The following KLF18 variants were observed in gnomAD, a reference collection of about 807,000 sequenced individuals.
KLF18 encodes the protein Kruppel-like factor 18.
Position 44,140,114 on chromosome 1 carries a change from G to C in KLF18, c.1518C>G (p.Thr506=), listed in dbSNP as rs1643221687. The part of the protein sequence containing the change: ...NQTLYWGQMM[T]STGNQNLCGE... ...CACAGAGGTTCTGGTTACCAGTGGAGGTCATCATCTGCCCCCAGTAGAGGG... is the reference window on the plus strand; with the variant it reads ...CACAGAGGTTCTGGTTACCAGTGGACGTCATCATCTGCCCCCAGTAGAGGG... Residue 506 remains threonine, a synonymous_variant, in exon 1 of 2, where the codon ACC becomes ACG. Transcript: ENST00000634670. 2.6e-6 allele frequency: 1 copy of C among 390,748 alleles called. No individual in the cohort carries two copies. Among genetic ancestry groups the C allele is most frequent in the Non-Finnish European group, 4.5e-6 (1 of 224,224 alleles). 24.2% of individuals were successfully genotyped at this position (390,748 alleles called of 1,614,324 possible).
chr1:44,140,725 G>A lies in KLF18; in HGVS notation c.907C>T (p.Leu303Phe). 2.5e-6 allele frequency: 1 copy of A among 398,642 alleles called. No individual in the cohort carries two copies. Among genetic ancestry groups the A allele is most frequent in the Non-Finnish European group, 4.4e-6 (1 of 226,156 alleles). The allele number at this position is 398,642 out of a possible 1,614,324, so 24.7% of individuals were successfully genotyped here. The change falls in exon 1 of 2, where the codon CTC (leucine) becomes TTC (phenylalanine). Residue 303 changes from leucine (L) to phenylalanine (F), a missense_variant. Coordinates refer to ENST00000634670, the MANE Select transcript of KLF18 (RefSeq NM_001358438.1). The stretch of plus-strand genomic sequence containing the variant: ...GAGGTCATCACTTGCTCCCCACAGA[G>A]GGTCTGGTTACTAGTGGAGGTTGTC... ...QMTTSTSNQT[L>F]CGEQVMTSTG...
intron 1 of KLF18, 68 bp downstream of exon 1, chr1:44,138,596 C>G: frequency 2.6e-6 from 1 of 391,656 alleles, no homozygotes. Context: ...TGGCAGCAAT[C>G]TCAAATGCTT....
chr1:44,138,056 G>A (rs1643178879), intron 1 of KLF18, 45 bp from the exon 2 acceptor site: 1 of 398,484 alleles, frequency 2.5e-6, no homozygotes, highest in Non-Finnish European at 4.4e-6. Flanking sequence ...ATCAGGGTGA[G>A]GTAGGGCAGG....
chr1:44,139,459 C>T lies in KLF18; in HGVS notation c.2173G>A (p.Gly725Arg), dbSNP rs1299790712. The T allele has an allele frequency of 2.9e-6, 1 of 345,856 alleles. No homozygotes were observed. The highest frequency in any genetic ancestry group is 5.1e-6 in the Non-Finnish European group (1 of 195,380). The allele number at this position is 345,856 out of a possible 1,614,324, so 21.4% of individuals were successfully genotyped here. The change falls in exon 1 of 2, where the codon GGG becomes AGG. Residue 725 changes from glycine (G) to arginine (R), a missense_variant. Physicochemically the swap from Gly to Arg is moderately radical, Grantham distance 125 (BLOSUM62 -2). Transcript: ENST00000634670. ...CCAGTGGAGGTCATCATCTGCCCCC[C>T]ATAGAGGGCCTGGTTACCAGTGGAG... ...TTSTGNQALY[G>R]GQMMTSTGNQ...
intron 1 of KLF18, 23 bp from the exon 2 acceptor site, chr1:44,138,034 G>T: frequency 2.5e-6 from 1 of 398,628 alleles, no homozygotes; most frequent in South Asian, 1.3e-4. Flanking sequence ...GAGAGAGAGA[G>T]ACCTGTCATA....
rs941323146 is a variant in KLF18, at chr1:44,139,866, G to A, written c.1766C>T (p.Thr589Met). The change falls in exon 1 of 2, where the codon ACG (threonine) becomes ATG (methionine). Residue 589 changes from threonine (T) to methionine (M), a missense_variant. Transcript: ENST00000634670. ...AAGGGTCTGGTTACTAGTGGAGGTC[G>A]TCATCTGCTCTCCACAGAGGGTCTG... ...SNQTLCGEQMTTSTSNQTLCG... is the reference protein window; with the variant it reads ...SNQTLCGEQMMTSTSNQTLCG... The A allele has an allele frequency of 2.1e-5, 8 of 373,506 alleles. No homozygotes were observed. Among genetic ancestry groups the A allele is most frequent in the African/African-American group, 4.4e-5 (2 of 45,324 alleles). The allele number at this position is 373,506 out of a possible 1,614,324, so 23.1% of individuals were successfully genotyped here.
intron 1 of KLF18, among the ~76,000 whole-genome samples, chr1:44,138,293 A>C (rs745597173): frequency 6.6e-6 from 1 of 152,146 alleles, no homozygotes; most frequent in Admixed American, 6.5e-5. Flanking sequence ...TGGGGGGAAT[A>C]AGGAGGATGA....
Position 44,140,960 on chromosome 1 carries a change from C to G in KLF18, c.672G>C (p.Met224Ile), listed in dbSNP as rs1572000746. 1 of 398,724 alleles carries G rather than the reference C, an allele frequency of 2.5e-6. No individual in the cohort carries two copies. The highest frequency in any genetic ancestry group is 4.4e-6 in the Non-Finnish European group (1 of 226,150). 24.7% of individuals were successfully genotyped at this position (398,724 alleles called of 1,614,324 possible). A position where few individuals can be genotyped will look rare whatever the true frequency, so the allele number is the denominator to read the frequency against. Residue 224 changes from methionine (M) to isoleucine (I), a missense_variant, in exon 1 of 2, where the codon ATG becomes ATC. Physicochemically the swap from Met to Ile is conservative, Grantham distance 10. Coordinates refer to ENST00000634670, the MANE Select transcript of KLF18 (RefSeq NM_001358438.1). ...GGGTCTGGTTATCAATGGAAGTCAT[C>G]ATTTGCCCTCCATAGAGGTCTAGAC... ...TTSLDLYGGQ[M>I]MTSIDNQTLC...
rs1203299489 is a variant in KLF18, at chr1:44,139,803, G to T, written c.1829C>A (p.Ala610Asp). 1.6e-5 allele frequency: 6 copies of T among 386,346 alleles called. No individual in the cohort carries two copies. The highest frequency in any genetic ancestry group is 4.3e-5 in the African/African-American group (2 of 46,050). The allele number at this position is 386,346 out of a possible 1,614,324, so 23.9% of individuals were successfully genotyped here. Residue 610 changes from alanine to aspartate, a missense_variant, in exon 1 of 2, where the codon GCC (alanine) becomes GAC (aspartate). Ala to Asp is a moderately radical substitution (Grantham distance 126). Coordinates refer to ENST00000634670, the MANE Select transcript of KLF18 (RefSeq NM_001358438.1). ...EQVTTSTGNQ[A>D]LYGGQMMTST... ...GGTCATCATCTGCCCCCCATAGAGGGCCTGGTTACCAGTGGAGGTCGTCAC... is the reference window on the plus strand; with the variant it reads ...GGTCATCATCTGCCCCCCATAGAGGTCCTGGTTACCAGTGGAGGTCGTCAC...
At position 44,140,068 on chromosome 1, in the gene KLF18, T is replaced by G. The variant is rs1643220807; in HGVS notation, c.1564A>C (p.Thr522Pro). ...CCCCCGTAGAGGGCCTGGTTACCAG[T>G]GGAGGTTGTCATCTGCTCTCCACAG... is the stretch of plus-strand genomic sequence containing the variant. Reference protein sequence around the residue: ...NLCGEQMTTSTGNQALYGGQM... With the variant: ...NLCGEQMTTSPGNQALYGGQM... The change falls in exon 1 of 2, where the codon ACT becomes CCT. Residue 522 changes from threonine to proline, a missense_variant. Coordinates refer to ENST00000634670, the MANE Select transcript of KLF18 (RefSeq NM_001358438.1). 2 of 394,410 alleles carry G rather than the reference T, an allele frequency of 5.1e-6. No individual in the cohort carries two copies. The highest frequency in any genetic ancestry group is 4.5e-5 in the Admixed American group (1 of 22,030). The allele number at this position is 394,410 out of a possible 1,614,324, so 24.4% of individuals were successfully genotyped here.
Position 44,139,320 on chromosome 1 carries a change from G to A in KLF18, c.2312C>T (p.Thr771Met), listed in dbSNP as rs769153737. Residue 771 changes from threonine to methionine, a missense_variant, in exon 1 of 2, where the codon ACG (threonine) becomes ATG (methionine). Transcript: ENST00000634670. ...GAGGGTCTGGTTACTAGTAGAGGTC[G>A]TCATCTGCCCCCCGTAGAGGGCCTG... Reference protein sequence around the residue: ...GNQALYGGQMTTSTSNQTLCG... With the variant: ...GNQALYGGQMMTSTSNQTLCG... The A allele has an allele frequency of 1.2e-4, 40 of 336,870 alleles. No individual in the cohort carries two copies. Among genetic ancestry groups the A allele is most frequent in the Non-Finnish European group, 1.8e-4 (34 of 192,650 alleles). The allele number at this position is 336,870 out of a possible 1,614,324, so 20.9% of individuals were successfully genotyped here. A position where few individuals can be genotyped will look rare whatever the true frequency, so the allele number is the denominator to read the frequency against.
At position 44,139,052 on chromosome 1, in the gene KLF18, G is replaced by A. The variant is rs1197640149; in HGVS notation, c.2580C>T (p.Asn860=). ...YGGQMMTSTG[N]QNLYGGQNMT... Reference sequence around the variant, plus strand: ...TATTCTGCCCCCCGTAGAGGTTCTGGTTACCAGTGGAGGTCATCATCTGCC... The same window carrying A: ...TATTCTGCCCCCCGTAGAGGTTCTGATTACCAGTGGAGGTCATCATCTGCC... The change falls in exon 1 of 2, where the codon AAC becomes AAT. Residue 860 remains asparagine (N), a synonymous_variant. Transcript: ENST00000634670. 3 of 396,402 alleles carry A rather than the reference G, an allele frequency of 7.6e-6. No individual in the cohort carries two copies. The highest frequency in any genetic ancestry group is 1.3e-5 in the Non-Finnish European group (3 of 225,560). 24.6% of individuals were successfully genotyped at this position (396,402 alleles called of 1,614,324 possible). A position where few individuals can be genotyped will look rare whatever the true frequency, so the allele number is the denominator to read the frequency against.
At position 44,139,556 on chromosome 1, in the gene KLF18, G is replaced by A. The variant is rs1643213194; in HGVS notation, c.2076C>T (p.Asn692=). ...TCGTCTGCTCTCCACAGAGGGTCTG[G>A]TTACTAGTGGAGGTCGTCATCTGCC... is the stretch of plus-strand genomic sequence containing the variant. The part of the protein sequence containing the change: ...YGGQMTTSTS[N]QTLCGEQTTT... The change falls in exon 1 of 2, where the codon AAC becomes AAT. Residue 692 remains asparagine, a synonymous_variant. Transcript: ENST00000634670. 2 of 391,230 alleles carry A rather than the reference G, an allele frequency of 5.1e-6. No homozygotes were observed. Among genetic ancestry groups the A allele is most frequent in the South Asian group, 2.6e-4 (2 of 7,700 alleles). 24.2% of individuals were successfully genotyped at this position (391,230 alleles called of 1,614,324 possible). A position where few individuals can be genotyped will look rare whatever the true frequency, so the allele number is the denominator to read the frequency against.
At position 44,140,937 on chromosome 1, in the gene KLF18, G is replaced by C. The variant is rs942017389; in HGVS notation, c.695C>G (p.Thr232Ser). ...GQMMTSIDNQ[T>S]LCGEQMTTSS... ...GGTCGTCATCTGCTCCCCACAGAGG[G>C]TCTGGTTATCAATGGAAGTCATCAT... The change falls in exon 1 of 2, where the codon ACC becomes AGC. Residue 232 changes from threonine to serine, a missense_variant. By Grantham distance (58) the Thr-to-Ser change is moderately conservative (BLOSUM62 1). Transcript: ENST00000634670. The C allele has an allele frequency of 1.0e-5, 4 of 398,690 alleles. No individual in the cohort carries two copies. The highest frequency in any genetic ancestry group is 4.1e-5 in the African/African-American group (2 of 48,632). 24.7% of individuals were successfully genotyped at this position (398,690 alleles called of 1,614,324 possible).
chr1:44,140,225 C>G lies in KLF18; in HGVS notation c.1407G>C (p.Gln469His), dbSNP rs1433158504. Residue 469 changes from glutamine (Q) to histidine (H), a missense_variant, in exon 1 of 2, where the codon CAG becomes CAC. Coordinates refer to ENST00000634670, the MANE Select transcript of KLF18 (RefSeq NM_001358438.1). ...TCGTCACCTGCTCCCCACAGAGGGTCTGGTTACTAGTGGAGGTCGTCGTCT... is the reference window on the plus strand; with the variant it reads ...TCGTCACCTGCTCCCCACAGAGGGTGTGGTTACTAGTGGAGGTCGTCGTCT... ...GEQTTTSTSN[Q>H]TLCGEQVTTS... 1 of 395,962 alleles carries G rather than the reference C, an allele frequency of 2.5e-6. No individual in the cohort carries two copies. The highest frequency in any genetic ancestry group is 4.4e-6 in the Non-Finnish European group (1 of 225,590). The allele number at this position is 395,962 out of a possible 1,614,324, so 24.5% of individuals were successfully genotyped here. A position where few individuals can be genotyped will look rare whatever the true frequency, so the allele number is the denominator to read the frequency against.
chr1:44,141,540 T>A lies in KLF18; in HGVS notation c.92A>T (p.Asp31Val), dbSNP rs1557737755. The stretch of plus-strand genomic sequence containing the variant: ...CATACAGTTCTGTGGTTCTGGTGCA[T>A]CTGGGGTTTCTGCCTGTTCTGTATG... ...ERHTEQAETPDAPEPQNCMPL... is the reference protein window; with the variant it reads ...ERHTEQAETPVAPEPQNCMPL... Residue 31 changes from aspartate (D) to valine (V), a missense_variant, in exon 1 of 2, where the codon GAT (aspartate) becomes GTT (valine). Coordinates refer to ENST00000634670, the MANE Select transcript of KLF18 (RefSeq NM_001358438.1). 1 of 398,476 alleles carries A rather than the reference T, an allele frequency of 2.5e-6. No individual in the cohort carries two copies. The highest frequency in any genetic ancestry group is 2.1e-5 in the African/African-American group (1 of 48,594). 24.7% of individuals were successfully genotyped at this position (398,476 alleles called of 1,614,324 possible). A position where few individuals can be genotyped will look rare whatever the true frequency, so the allele number is the denominator to read the frequency against.
chr1:44,140,339 T>C lies in KLF18; in HGVS notation c.1293A>G (p.Gly431=), dbSNP rs1368515229. The change falls in exon 1 of 2, where the codon GGA becomes GGG. Residue 431 remains glycine (G), a synonymous_variant. Coordinates refer to ENST00000634670, the MANE Select transcript of KLF18 (RefSeq NM_001358438.1). ...MTSTGNQALC[G]GQMTTSTGNQ... The stretch of plus-strand genomic sequence containing the variant: ...TACCAGTGGAGGTCGTCATCTGCCC[T>C]CCACAGAGGGCTTGGTTACCAGTGG... The C allele has an allele frequency of 6.2e-4, 39 of 63,304 alleles. 4 individuals are homozygous for C. The highest frequency in any genetic ancestry group is 1.9e-3 in the African/African-American group (4 of 2,148). The allele number at this position is 63,304 out of a possible 1,614,324, so 3.9% of individuals were successfully genotyped here. A position where few individuals can be genotyped will look rare whatever the true frequency, so the allele number is the denominator to read the frequency against.
Position 44,139,815 on chromosome 1 carries a change from G to C in KLF18, c.1817C>G (p.Thr606Ser). Residue 606 changes from threonine to serine, a missense_variant, in exon 1 of 2, where the codon ACT becomes AGT. Transcript: ENST00000634670. The stretch of plus-strand genomic sequence containing the variant: ...CCCCCCATAGAGGGCCTGGTTACCA[G>C]TGGAGGTCGTCACCTGCTCCCCACA... ...TLCGEQVTTS[T>S]GNQALYGGQM... The C allele has an allele frequency of 2.6e-6, 1 of 380,012 alleles. No homozygotes were observed. The allele number at this position is 380,012 out of a possible 1,614,324, so 23.5% of individuals were successfully genotyped here.
At position 44,137,929 on chromosome 1, in the gene KLF18, C is replaced by A. The variant is rs1643171860; in HGVS notation, c.3051G>T (p.Arg1017Ser). The part of the protein sequence containing the change: ...RSDELNRHKK[R>S]HTGERPYLCS... ...ACAGGTAGGGCCTTTCCCCAGTGTG[C>A]CTTTTCTTGTGTCTGTTGAGCTCAT... Residue 1017 changes from arginine (R) to serine (S), a missense_variant, in exon 2 of 2, where the codon AGG (arginine) becomes AGT (serine). Arg to Ser is a moderately radical substitution (Grantham distance 110, BLOSUM62 -1). Coordinates refer to ENST00000634670, the MANE Select transcript of KLF18 (RefSeq NM_001358438.1). 2.5e-6 allele frequency: 1 copy of A among 398,602 alleles called. No individual in the cohort carries two copies. Among genetic ancestry groups the A allele is most frequent in the Admixed American group, 4.4e-5 (1 of 22,702 alleles). 24.7% of individuals were successfully genotyped at this position (398,602 alleles called of 1,614,324 possible).
Sources: allele counts gnomAD v4.1 joint callset (sites outside exome capture counted in the v4.1 genomes callset), GRCh38; gene constraint gnomAD v4.1.1; transcripts MANE v1.5; gene names NCBI Gene and HGNC (gene_info 2026-07-23, HGNC 2026-07-21).